R3HDM1: variants seen among roughly 807,000 people sequenced by gnomAD.
R3HDM1 encodes R3H domain-containing protein 1.
R3HDM1 carries 46 observed loss-of-function variants against 141.1 expected under a neutral mutation model. The ratio of observed to expected loss-of-function variants is 0.33; its 90% CI spans 0.26 to 0.42. The LOEUF (loss-of-function observed/expected upper bound fraction) is 0.42. Among genes scored for constraint, R3HDM1 ranks in the 10% least tolerant of loss-of-function variants. The pLI, the probability that R3HDM1 is intolerant of heterozygous loss-of-function variation, is 1.00. For synonymous variants in R3HDM1, 435 were observed against 472.9 expected (o/e 0.92, Z 1.04); for missense variants, 1,184 against 1,368.3 (o/e 0.87, Z 2.12).
intron 1 of R3HDM1, chr2:135,534,083 A>C (rs1236323586): frequency 8.4e-6 from 8 of 955,268 alleles, no homozygotes; most frequent in Non-Finnish European, 1.0e-5. Flanking sequence ...ATAGTGACTT[A>C]AGCACAGTTT....
chr2:135,558,888 C>A, intron 1 of R3HDM1: 1 of 512,842 alleles, frequency 1.9e-6, no homozygotes, highest in Non-Finnish European at 2.5e-6. Flanking sequence ...AAATGATAAT[C>A]ATCTTCCTTT....
chr2:135,644,782 G>T (rs931749887), intron 15 of R3HDM1, among the ~76,000 whole-genome samples: 1 of 151,968 alleles, frequency 6.6e-6, no homozygotes, highest in East Asian at 1.9e-4. Flanking sequence ...AATGTGTTTC[G>T]CAATTCAGAG....
intron 1 of R3HDM1, among the ~76,000 whole-genome samples, chr2:135,534,552 A>C (rs772738286): frequency 2.0e-5 from 3 of 152,234 alleles, no homozygotes; most frequent in Non-Finnish European, 2.9e-5. Context: ...ATAGTTAAAC[A>C]AATTTAAGGT....
At chr2:135,642,855 A>G (rs2063948069) in intron 15 of R3HDM1, among the ~76,000 whole-genome samples, 1 of 152,208 alleles carries the variant, frequency 6.6e-6, no homozygotes. Flanking sequence ...ATAAGTATTA[A>G]ATTAGCATAA....
chr2:135,651,565 T>A, intron 17 of R3HDM1, 165 bp from the exon 18 acceptor site: 1 of 943,164 alleles, frequency 1.1e-6, no homozygotes, highest in Non-Finnish European at 1.3e-6. Context: ...AATAGAGTTG[T>A]CATTTTTTTG....
At chr2:135,687,153 C>T (rs2071493505) in intron 21 of R3HDM1, among the ~76,000 whole-genome samples, 1 of 152,196 alleles carries the variant, frequency 6.6e-6, no homozygotes, top group African/African-American at 2.4e-5. Context: ...CGAGATAGTG[C>T]CACTGCATTC....
At chr2:135,580,248 CTAAA>C (rs1706492896) in intron 1 of R3HDM1, among the ~76,000 whole-genome samples, 1 of 152,030 alleles carries the variant, frequency 6.6e-6, no homozygotes, top group Non-Finnish European at 1.5e-5. Flanking sequence ...CACCCTGTCT[CTAAA>C]TAAATGAATG....
chr2:135,541,937 TGTGTGAGACCAGAA>T, intron 1 of R3HDM1, among the ~76,000 whole-genome samples: 1 of 151,806 alleles, frequency 6.6e-6, no homozygotes, highest in East Asian at 1.9e-4. Context: ...TTACCCAAAA[TGTGTGAGACCAGAA>T]GTGTATTGGA....
At chr2:135,705,586 T>C (rs555761617) in intron 21 of R3HDM1, among the ~76,000 whole-genome samples, 1 of 152,146 alleles carries the variant, frequency 6.6e-6, no homozygotes, top group South Asian at 2.1e-4. Flanking sequence ...CAGTAACCTA[T>C]GATAACACCA....
At chr2:135,642,099 AT>A (rs973674243) in intron 15 of R3HDM1, among the ~76,000 whole-genome samples, 2 of 152,016 alleles carry the variant, frequency 1.3e-5, no homozygotes, top group African/African-American at 4.8e-5. Context: ...TGATATAACA[AT>A]TTTTTTTAAC....
intron 24 of R3HDM1, among the ~76,000 whole-genome samples, chr2:135,718,268 A>G (rs944695358): frequency 1.3e-5 from 2 of 152,178 alleles, no homozygotes; most frequent in African/African-American, 2.4e-5. Context: ...GTATGGTTAC[A>G]CGGACTTTTA....
intron 19 of R3HDM1, among the ~76,000 whole-genome samples, chr2:135,674,343 T>C (rs2068824126): frequency 6.6e-6 from 1 of 152,222 alleles, no homozygotes; most frequent in Non-Finnish European, 1.5e-5. Context: ...TTCATTGCCC[T>C]TTAGCTGTTA....
chr2:135,583,735 A>ATG, intron 1 of R3HDM1: 1 of 985,152 alleles, frequency 1.0e-6, no homozygotes, highest in Non-Finnish European at 1.2e-6. Flanking sequence ...TTAGGTTCAA[A>ATG]TGTTGTCTTT....
chr2:135,710,309 G>A, intron 23 of R3HDM1, 78 bp downstream of exon 23: 3 of 1,425,504 alleles, frequency 2.1e-6, no homozygotes, highest in Non-Finnish European at 2.9e-6. Flanking sequence ...GCTTGAATTT[G>A]AAATCCCGTC....
chr2:135,681,831 A>G (rs1030799518), intron 21 of R3HDM1, among the ~76,000 whole-genome samples: 6 of 152,022 alleles, frequency 3.9e-5, no homozygotes, highest in African/African-American at 1.5e-4. Context: ...ACAGTCAGAA[A>G]TGTTATCTAT....
At position 135,602,701 on chromosome 2, in the gene R3HDM1, C is replaced by T. The variant is rs1028301841; in HGVS notation, c.-48C>T. 14 of 1,513,868 alleles carry T rather than the reference C, an allele frequency of 9.2e-6. No individual in the cohort carries two copies. The African/African-American group carries it at 9.8e-5, about 11-fold the overall frequency. 93.8% of individuals were successfully genotyped at this position (1,513,868 alleles called of 1,614,324 possible). On this transcript the variant is annotated 5_prime_UTR_variant, in exon 2 of 27. It adds an upstream start codon to the 5' untranslated region. Transcript: ENST00000683871. ...ACACCACAATCCCAAATCCAAAGGA[C>T]GCATCAGGTAATGCTTCCCTGTCAT... is the stretch of plus-strand genomic sequence containing the variant.
At chr2:135,531,656 C>T (rs1237517063) in intron 1 of R3HDM1, 23 bp downstream of exon 1, 1 of 986,130 alleles carries the variant, frequency 1.0e-6, no homozygotes, top group East Asian at 1.1e-4. Flanking sequence ...CTTCCCTCCC[C>T]CGTCCAGCTC....
chr2:135,545,694 A>AT lies in R3HDM1; in HGVS notation c.-250+14063dup, dbSNP rs202069987. 3.0e-3 allele frequency among the ~76,000 whole-genome samples: 464 copies of AT among 152,330 alleles called. 5 individuals carry two copies. The highest frequency in any genetic ancestry group is 0.01 in the African/African-American group (434 of 41,562). ...TCTGGGCTGTCAGCTAGGTGTATTCATTAGTTACGTGAATCATTCCCACAG... is the reference window on the plus strand; with the variant it reads ...TCTGGGCTGTCAGCTAGGTGTATTCATTTAGTTACGTGAATCATTCCCACAG... On this transcript the variant is annotated intron_variant, in intron 1 of 26. Transcript: ENST00000683871.
rs1176286551 is a variant in R3HDM1, at chr2:135,713,512, AAT to A, written c.2737-2035_2737-2034del. ...GTAAAAATTAAATAATAAGTGCAAA[AAT>A]ATGTGTACAATATTTCTTTTTTCCT... On this transcript the variant is annotated intron_variant, in intron 23 of 26. Transcript: ENST00000683871. 2.0e-5 allele frequency among the ~76,000 whole-genome samples: 3 copies of A among 152,338 alleles called. No individual in the cohort carries two copies. In the East Asian group the frequency reaches 5.8e-4, roughly 29 times the overall value.
Sources: allele counts gnomAD v4.1 joint callset (sites outside exome capture counted in the v4.1 genomes callset), GRCh38; gene constraint gnomAD v4.1.1; transcripts MANE v1.5; gene names NCBI Gene and HGNC (gene_info 2026-07-23, HGNC 2026-07-21).